Variants in STK3 observed in about 807,000 individuals in gnomAD.
STK3 encodes serine/threonine-protein kinase 3.
Under a neutral mutation model 58.0 loss-of-function variants are expected in STK3, and 41 were observed. The ratio of observed to expected loss-of-function variants is 0.71; its 90% CI spans 0.55 to 0.92. The LOEUF (loss-of-function observed/expected upper bound fraction) is 0.92, where lower values mean the gene tolerates loss of function less well. STK3 is among the 40% of genes least tolerant of loss of function. The pLI is 0.00. For synonymous variants in STK3, 170 were observed against 191.0 expected (o/e 0.89, Z 0.91); for missense variants, 479 against 602.7 (o/e 0.79, Z 2.15).
chr8:98,709,200 G>A (rs906926933), intron 4 of STK3, among the ~76,000 whole-genome samples: 1 of 152,096 alleles, frequency 6.6e-6, no homozygotes, highest in Non-Finnish European at 1.5e-5. Flanking sequence ...GAAAATGTCT[G>A]TGAAAATTGC....
chr8:98,671,029 C>G (rs372856994), intron 6 of STK3, among the ~76,000 whole-genome samples: 1 of 152,016 alleles, frequency 6.6e-6, no homozygotes, highest in Admixed American at 6.6e-5. Flanking sequence ...GCGAGCCCAG[C>G]AAAGGGGCCA....
chr8:98,405,163 T>C (rs1403047584), intron 3 of STK3, among the ~76,000 whole-genome samples: 1 of 152,210 alleles, frequency 6.6e-6, no homozygotes. Context: ...TGCCCCAATG[T>C]TCTCATATAG....
chr8:98,616,668 T>C (rs1019764763), intron 6 of STK3, among the ~76,000 whole-genome samples: 12 of 150,788 alleles, frequency 8.0e-5, no homozygotes, highest in African/African-American at 2.4e-4. Flanking sequence ...AATCCTAGTC[T>C]CTGATAAAAC....
intron 1 of STK3, among the ~76,000 whole-genome samples, chr8:98,379,599 G>A (rs929264890): frequency 6.6e-6 from 1 of 152,152 alleles, no homozygotes; most frequent in Non-Finnish European, 1.5e-5. Context: ...CTAGAGGACC[G>A]GACACAGCAG....
intron 1 of STK3, chr8:98,438,648 G>A: frequency 6.6e-6 from 1 of 152,300 alleles, no homozygotes; most frequent in Non-Finnish European, 1.5e-5. Context: ...AGATGCATAT[G>A]TGTGTGTGTG....
intron 10 of STK3, among the ~76,000 whole-genome samples, chr8:98,471,616 G>T (rs574751809): frequency 2.0e-5 from 3 of 152,028 alleles, no homozygotes; most frequent in African/African-American, 7.2e-5. Context: ...AAAAAGAGTG[G>T]CTATACGACT....
chr8:98,742,721 T>C (rs909024591), intron 4 of STK3, among the ~76,000 whole-genome samples: 19 of 151,672 alleles, frequency 1.3e-4, no homozygotes, highest in Non-Finnish European at 5.9e-5. Context: ...TGTTGGAAGT[T>C]CTGGCCAGGG....
At chr8:98,470,207 A>G (rs959883764) in intron 10 of STK3, among the ~76,000 whole-genome samples, 3 of 152,232 alleles carry the variant, frequency 2.0e-5, no homozygotes. Context: ...AAAACACTGC[A>G]AGCTGGTCCA....
chr8:98,725,531 T>C (rs1213713016), intron 4 of STK3, among the ~76,000 whole-genome samples: 1 of 152,190 alleles, frequency 6.6e-6, no homozygotes, highest in Admixed American at 6.5e-5. Flanking sequence ...ATAATACTGT[T>C]AAAATTAGAA....
intron 3 of STK3, among the ~76,000 whole-genome samples, chr8:98,877,475 TTTTG>T (rs1837596218): frequency 6.6e-6 from 1 of 152,116 alleles, no homozygotes. Flanking sequence ...CATGTGTTTT[TTTTG>T]TTTGTTTTTT....
chr8:98,704,643 T>C (rs916041060), intron 6 of STK3, among the ~76,000 whole-genome samples: 6 of 152,004 alleles, frequency 3.9e-5, no homozygotes, highest in African/African-American at 1.4e-4. Context: ...AGAAATATTA[T>C]TTTCAGGTAT....
intron 10 of STK3, among the ~76,000 whole-genome samples, chr8:98,514,320 G>C (rs1824759100): frequency 6.6e-6 from 1 of 152,206 alleles, no homozygotes; most frequent in African/African-American, 2.4e-5. Context: ...GCATAGTTAA[G>C]AGTCAGAAAA....
At chr8:98,740,041 G>A (rs955043949) in intron 4 of STK3, among the ~76,000 whole-genome samples, 3 of 152,134 alleles carry the variant, frequency 2.0e-5, no homozygotes, top group African/African-American at 7.2e-5. Context: ...GGGAAGTTTA[G>A]AGAAAAAGAA....
rs570271569 is a variant in STK3 at position 98,467,069 on chromosome 8, C to T, written c.1318-11069G>A. On this transcript the variant is annotated intron_variant, in intron 10 of 10. Transcript: ENST00000419617. ...CTTCCAAACTTCCAGGAACTAAAGG[C>T]TCTGCCTTTAGTGGCACACCAGTGG... Among the ~76,000 whole-genome samples, 7 of 152,276 alleles carry T rather than the reference C, an allele frequency of 4.6e-5. No homozygotes were observed. In the East Asian group the frequency reaches 1.4e-3, roughly 29 times the overall value.
chr8:98,898,221 CACA>C (rs750134962), intron 1 of STK3, among the ~76,000 whole-genome samples: 13 of 152,328 alleles, frequency 8.5e-5, no homozygotes, highest in African/African-American at 1.2e-4. Flanking sequence ...GGAGAACTGG[CACA>C]ACATTTCCTG....
chr8:98,611,390 GA>G (rs1430094936), intron 6 of STK3, among the ~76,000 whole-genome samples: 1 of 151,646 alleles, frequency 6.6e-6, no homozygotes, highest in Non-Finnish European at 1.5e-5. Context: ...TCTACAATCA[GA>G]AAAAAACAAT....
intron 6 of STK3, among the ~76,000 whole-genome samples, chr8:98,646,316 A>G (rs1303411733): frequency 6.6e-6 from 1 of 152,198 alleles, no homozygotes; most frequent in African/African-American, 2.4e-5. Context: ...TACTTGACCT[A>G]GTTCCCAGAA....
intron 1 of STK3, among the ~76,000 whole-genome samples, chr8:98,778,304 G>A (rs1831848414): frequency 6.6e-6 from 1 of 152,192 alleles, no homozygotes; most frequent in South Asian, 2.1e-4. Context: ...GACCATCAGA[G>A]AAATGCAAAT....
chr8:98,564,298 T>C (rs1812293640), intron 8 of STK3, among the ~76,000 whole-genome samples: 1 of 152,184 alleles, frequency 6.6e-6, no homozygotes, highest in Non-Finnish European at 1.5e-5. Flanking sequence ...ACCCTTTCTG[T>C]GCCTGGCTTA....
Sources: allele counts gnomAD v4.1 joint callset (sites outside exome capture counted in the v4.1 genomes callset), GRCh38; gene constraint gnomAD v4.1.1; transcripts MANE v1.5; gene names NCBI Gene and HGNC (gene_info 2026-07-23, HGNC 2026-07-21).